The following ARHGEF10L variants were observed in gnomAD, a reference collection of about 807,000 sequenced individuals.
ARHGEF10L encodes the protein Rho guanine nucleotide exchange factor 10 like, also known as rho guanine nucleotide exchange factor 10-like protein.
A neutral mutation model predicts 141.2 loss-of-function variants in ARHGEF10L; 69 were observed. The observed-to-expected ratio is 0.49, with a 90% CI of 0.40 to 0.60. ARHGEF10L has a LOEUF of 0.60. ARHGEF10L is among the 20% of genes least tolerant of loss of function. The probability of loss-of-function intolerance (pLI) is 0.00; values close to 1 mark genes in which losing one functional copy is unlikely to be tolerated. For synonymous variants in ARHGEF10L, 711 were observed against 718.5 expected (o/e 0.99, Z 0.17); for missense variants, 1,482 against 1,734.3 (o/e 0.85, Z 2.58).
At chr1:17,648,493 C>A in intron 21 of ARHGEF10L, 61 bp from the exon 22 acceptor site, 1 of 1,593,076 alleles carries the variant, frequency 6.3e-7, no homozygotes, top group South Asian at 1.1e-5. Flanking sequence ...GAGGGCTCCT[C>A]ATGGCCCAGT....
At chr1:17,628,966 C>T (rs1352657259) in intron 15 of ARHGEF10L, among the ~76,000 whole-genome samples, 2 of 152,216 alleles carry the variant, frequency 1.3e-5, no homozygotes, top group African/African-American at 4.8e-5. Flanking sequence ...TCTGTTGCTT[C>T]AGGCCAAATT....
intron 26 of ARHGEF10L, among the ~76,000 whole-genome samples, chr1:17,680,806 C>T (rs1312125158): frequency 2.2e-5 from 3 of 138,554 alleles, no homozygotes; most frequent in Non-Finnish European, 4.5e-5. Context: ...TTTTTGGAGA[C>T]GGAGTTTCAC....
intron 1 of ARHGEF10L, among the ~76,000 whole-genome samples, chr1:17,575,269 A>G (rs138220135): frequency 3.2e-4 from 49 of 152,320 alleles, no homozygotes; most frequent in African/African-American, 1.2e-3. Flanking sequence ...TTGGCCCCCT[A>G]TCAGCTGCAC....
chr1:17,526,857 T>A, the ARHGEF10L span, among the ~76,000 whole-genome samples: 10 of 148,984 alleles, frequency 6.7e-5, no homozygotes, highest in Non-Finnish European at 1.5e-5. Context: ...TGAGCCAAGA[T>A]CACACCACTG....
At chr1:17,562,245 T>A (rs1348949927) in intron 1 of ARHGEF10L, among the ~76,000 whole-genome samples, 1 of 152,150 alleles carries the variant, frequency 6.6e-6, no homozygotes, top group Non-Finnish European at 1.5e-5. Flanking sequence ...TGAGACCCCG[T>A]CTCTACGAAA....
intron 1 of ARHGEF10L, among the ~76,000 whole-genome samples, chr1:17,547,258 C>T (rs1330655029): frequency 6.6e-6 from 1 of 152,236 alleles, no homozygotes; most frequent in Non-Finnish European, 1.5e-5. Flanking sequence ...GGTCTCAGAC[C>T]AGGCCCCAAC....
chr1:17,525,625 C>T, the ARHGEF10L span, among the ~76,000 whole-genome samples: 1 of 152,126 alleles, frequency 6.6e-6, no homozygotes, highest in East Asian at 1.9e-4. Context: ...CACCACTGCA[C>T]TCCAGCCTGG....
intron 26 of ARHGEF10L, among the ~76,000 whole-genome samples, chr1:17,686,254 T>C (rs1246204133): frequency 1.3e-5 from 2 of 152,120 alleles, no homozygotes; most frequent in Admixed American, 6.5e-5. Context: ...ATTTGGGTTG[T>C]TTCTAGTCTG....
At chr1:17,591,311 T>G (rs1241087235) in intron 4 of ARHGEF10L, among the ~76,000 whole-genome samples, 1 of 151,404 alleles carries the variant, frequency 6.6e-6, no homozygotes, top group East Asian at 2.0e-4. Context: ...GGTGTGATCA[T>G]GGCTCACTGC....
the ARHGEF10L span, among the ~76,000 whole-genome samples, chr1:17,529,249 T>C: frequency 6.6e-6 from 1 of 152,128 alleles, no homozygotes; most frequent in South Asian, 2.1e-4. Context: ...GTGATCCACC[T>C]TCCTCGGCCT....
In ARHGEF10L at chr1:17,695,241, C is replaced by T. The variant is rs1183893443; in HGVS notation, c.3268C>T (p.Leu1090=). Residue 1090 remains leucine (L), a synonymous_variant, in exon 28 of 29, where the codon CTG becomes TTG. Transcript: ENST00000361221. ...VGTDQGVIVL[L]PVPRLEGIPK... is the part of the protein sequence containing the mutation. ...CACTGACCAGGGTGTCATCGTCCTG[C>T]TGCCCGTGCCTCGGCTGGAAGGCAT... 2 of 1,603,628 alleles carry T rather than the reference C, an allele frequency of 1.2e-6. No homozygotes were observed. The highest frequency in any genetic ancestry group is 1.3e-5 in the African/African-American group (1 of 74,688).
chr1:17,691,070 A>G (rs1474890111), intron 27 of ARHGEF10L: 7 of 448,302 alleles, frequency 1.6e-5, no homozygotes, highest in Non-Finnish European at 3.1e-5. Context: ...CGCATACTCG[A>G]CTGGTATTAA....
chr1:17,688,110 C>T (rs1370206955), intron 27 of ARHGEF10L, among the ~76,000 whole-genome samples: 1 of 152,238 alleles, frequency 6.6e-6, no homozygotes, highest in Admixed American at 6.5e-5. Context: ...CCCAATTCTG[C>T]CTCAAATGCC....
intron 22 of ARHGEF10L, among the ~76,000 whole-genome samples, chr1:17,653,978 A>G (rs1461866248): frequency 2.0e-5 from 3 of 152,216 alleles, no homozygotes; most frequent in Admixed American, 6.5e-5. Context: ...AAAAGGGCCC[A>G]GTGGTCGGCT....
intron 26 of ARHGEF10L, among the ~76,000 whole-genome samples, chr1:17,681,103 A>G (rs1124447): frequency 0.15 from 22,190 of 152,152 alleles, 1,745 homozygotes; most frequent in Non-Finnish European, 0.17. Flanking sequence ...AAAAATTTCA[A>G]ACTACAGGAA....
rs772609910 is a variant in ARHGEF10L, at chr1:17,613,009, C to G, written c.610-49C>G. The stretch of plus-strand genomic sequence containing the variant: ...TGTGTTTTGTCTCCTTCCTGTCCCG[C>G]CTGCTCCTCTCACCTGCTTTCCTTC... On this transcript the variant is annotated intron_variant, in intron 7 of 28. Coordinates refer to ENST00000361221, the MANE Select transcript of ARHGEF10L (RefSeq NM_018125.4). The G allele has an allele frequency of 3.8e-6, 5 of 1,302,914 alleles. No homozygotes were observed. In the South Asian group the frequency reaches 6.0e-5, roughly 16 times the overall value. 80.7% of individuals were successfully genotyped at this position (1,302,914 alleles called of 1,614,324 possible).
At chr1:17,677,086 G>A (rs2063770592) in intron 26 of ARHGEF10L, among the ~76,000 whole-genome samples, 1 of 152,088 alleles carries the variant, frequency 6.6e-6, no homozygotes, top group African/African-American at 2.4e-5. Context: ...GAGCTAGCAG[G>A]ACCAAGGAAA....
Position 17,607,743 on chromosome 1 carries a change from G to A in ARHGEF10L, c.434-59G>A. 11 of 1,425,922 alleles carry A rather than the reference G, an allele frequency of 7.7e-6. No homozygotes were observed. The highest frequency in any genetic ancestry group is 1.0e-5 in the Non-Finnish European group (11 of 1,088,506). 88.3% of individuals were successfully genotyped at this position (1,425,922 alleles called of 1,614,324 possible). A position where few individuals can be genotyped will look rare whatever the true frequency, so the allele number is the denominator to read the frequency against. On this transcript the variant is annotated intron_variant, in intron 6 of 28. Coordinates refer to ENST00000361221, the MANE Select transcript of ARHGEF10L (RefSeq NM_018125.4). The surrounding 1 kb of genome is among the most constrained non-coding windows in gnomAD (Gnocchi z 4.5). ...GGGTTCAGAAATTGGGTCTGAGGCT[G>A]GAAGTCTGGTAGGCTTGGCCTCAGG...
At chr1:17,631,657 G>GTGACCTGTGCCATCACACA (rs1338616555) in intron 15 of ARHGEF10L, among the ~76,000 whole-genome samples, 1 of 152,184 alleles carries the variant, frequency 6.6e-6, no homozygotes, top group Non-Finnish European at 1.5e-5. Context: ...GTCATCACAC[G>GTGACCTGTGCCATCACACA]TGACCTGTGC....
Sources: gnomAD v4.1 joint callset for allele counts (sites outside exome capture counted in the v4.1 genomes callset) on GRCh38, gnomAD v4.1.1 for gene constraint, Gnocchi (gnomAD v3.1) non-coding constraint, MANE v1.5 for transcripts, NCBI Gene and HGNC (gene_info 2026-07-23, HGNC 2026-07-21) for gene names.